WIF1: variants seen among roughly 807,000 people sequenced by gnomAD.
WIF1 encodes Wnt inhibitory factor 1.
In WIF1, 35 loss-of-function variants were observed where a neutral mutation model predicts 53.5. That is an observed-to-expected ratio of 0.65 (90% CI 0.50 to 0.87). The LOEUF is 0.87. Ranked by LOEUF, WIF1 falls within the 40% of genes least tolerant of loss-of-function variation. The pLI is 0.00. For synonymous variants in WIF1, 171 were observed against 170.4 expected, an observed-to-expected ratio of 1.00 and a Z score of -0.03; for missense variants, 467 against 476.8, an observed-to-expected ratio of 0.98 and a Z score of 0.19.
rs535991194 is a variant in WIF1, at chr12:65,063,693, A to T, written c.731-1117T>A. On this transcript the variant is annotated intron_variant, in intron 6 of 9. Coordinates refer to ENST00000286574, the MANE Select transcript of WIF1 (RefSeq NM_007191.5). ...GTGCTGTACTCACTTTGGCAAATCAAAACTCTTTTTTTTTTTTTTTTTGGT... is the reference window on the plus strand; with the variant it reads ...GTGCTGTACTCACTTTGGCAAATCATAACTCTTTTTTTTTTTTTTTTTGGT... Among the ~76,000 whole-genome samples the T allele has an allele frequency of 5.0e-3, 683 of 137,632 alleles. 6 individuals are homozygous for T. The highest frequency in any genetic ancestry group is 0.018 in the African/African-American group (661 of 37,704). The allele number at this position is 137,632 out of a possible 152,430, so 90.3% of individuals were successfully genotyped here.
At chr12:65,055,376 T>C (rs919022012) in intron 8 of WIF1, among the ~76,000 whole-genome samples, 163 bp from the exon 9 acceptor site, 2 of 152,228 alleles carry the variant, frequency 1.3e-5, no homozygotes, top group Admixed American at 1.3e-4. Context: ...TTTGGACTTT[T>C]TGTAAAGTCC....
intron 2 of WIF1, among the ~76,000 whole-genome samples, chr12:65,082,168 A>G (rs1296981748): frequency 2.0e-5 from 3 of 152,158 alleles, no homozygotes; most frequent in Non-Finnish European, 4.4e-5. Flanking sequence ...TTTATAATAA[A>G]TATTCTTAGA....
chr12:65,059,526 A>T (rs1882579159), intron 7 of WIF1, among the ~76,000 whole-genome samples: 1 of 152,220 alleles, frequency 6.6e-6, no homozygotes, highest in African/African-American at 2.4e-5. Flanking sequence ...TGGGAAATCC[A>T]TGAGTCTTAG....
intron 2 of WIF1, among the ~76,000 whole-genome samples, chr12:65,102,829 T>C (rs1883301829): frequency 6.6e-6 from 1 of 152,160 alleles, no homozygotes; most frequent in African/African-American, 2.4e-5. Context: ...ATCACATCTC[T>C]TAGCTTGCAG....
intron 2 of WIF1, among the ~76,000 whole-genome samples, chr12:65,091,010 G>A (rs1883114059): frequency 6.6e-6 from 1 of 151,914 alleles, no homozygotes; most frequent in African/African-American, 2.4e-5. Context: ...TGAAAGCAGG[G>A]GCTGTGAAAA....
intron 2 of WIF1, among the ~76,000 whole-genome samples, chr12:65,078,722 C>G (rs1565753440): frequency 6.6e-6 from 1 of 152,134 alleles, no homozygotes; most frequent in Non-Finnish European, 1.5e-5. Context: ...AAGCCATAAA[C>G]CTTTACATTG....
intron 2 of WIF1, among the ~76,000 whole-genome samples, chr12:65,101,774 A>G (rs537601413): frequency 1.3e-4 from 20 of 152,342 alleles, no homozygotes; most frequent in Middle Eastern, 3.4e-3. Context: ...GGGCTCAGAT[A>G]GCTGGTGTGG....
In WIF1 at chr12:65,077,760, G is replaced by T; in HGVS notation, c.383C>A (p.Pro128His). 1 of 1,613,386 alleles carries T rather than the reference G, an allele frequency of 6.2e-7. No homozygotes were observed. Among genetic ancestry groups the T allele is most frequent in the Non-Finnish European group, 8.5e-7 (1 of 1,179,506 alleles). ...TVNVPLLGTVPHKASVVQVGF... is the reference protein window; with the variant it reads ...TVNVPLLGTVHHKASVVQVGF... ...AGACCACCCACCTGATGCCTTGTGA[G>T]GCACTGTTCCCAGCAGAGGGACATT... The change falls in exon 3 of 10, where the codon CCT becomes CAT. Residue 128 changes from proline to histidine, a missense_variant. Physicochemically the swap from Pro to His is moderately conservative, Grantham distance 77. Transcript: ENST00000286574.
chr12:65,108,480 T>C (rs961909509), intron 2 of WIF1, among the ~76,000 whole-genome samples: 7 of 152,216 alleles, frequency 4.6e-5, no homozygotes, highest in Admixed American at 2.0e-4. Flanking sequence ...TGGATCCCCA[T>C]GTGTTTGCAG....
chr12:65,055,165 T>C lies in WIF1; in HGVS notation c.971A>G (p.Asn324Ser). 6.2e-7 allele frequency: 1 copy of C among 1,614,222 alleles called. No individual in the cohort carries two copies. Among genetic ancestry groups the C allele is most frequent in the Non-Finnish European group, 8.5e-7 (1 of 1,180,018 alleles). The change falls in exon 9 of 10, where the codon AAC (asparagine) becomes AGC (serine). Residue 324 changes from asparagine to serine, a missense_variant. By Grantham distance (46) the Asn-to-Ser change is conservative (BLOSUM62 1). Transcript: ENST00000286574. ...CGAHGTCHEP[N>S]KCQCQEGWHG... ...CCAACCTTCTTGACATTGGCATTTG[T>C]TGGGTTCATGGCAGGTTCCATGTGC... is the stretch of plus-strand genomic sequence containing the variant.
intron 2 of WIF1, 125 bp from the exon 3 acceptor site, chr12:65,077,979 A>C: frequency 1.4e-6 from 1 of 704,676 alleles, no homozygotes; most frequent in Non-Finnish European, 2.5e-6. Flanking sequence ...AGCACACAGC[A>C]TCCAAGATAC....
At chr12:65,084,159 T>G (rs1271557288) in intron 2 of WIF1, among the ~76,000 whole-genome samples, 1 of 152,204 alleles carries the variant, frequency 6.6e-6, no homozygotes, top group Admixed American at 6.5e-5. Context: ...CTTATGATTC[T>G]GTACCTTCCT....
At chr12:65,102,487 C>T (rs1376204525) in intron 2 of WIF1, among the ~76,000 whole-genome samples, 1 of 152,156 alleles carries the variant, frequency 6.6e-6, no homozygotes, top group Non-Finnish European at 1.5e-5. Flanking sequence ...GAGACCCACC[C>T]ACATTAGGGA....
chr12:65,077,347 T>G (rs908130104), intron 3 of WIF1, among the ~76,000 whole-genome samples: 1 of 133,452 alleles, frequency 7.5e-6, no homozygotes, highest in African/African-American at 2.8e-5. Flanking sequence ...TGCTAACTTT[T>G]GGGGAATTTT....
At chr12:65,104,450 T>G (rs1246003988) in intron 2 of WIF1, among the ~76,000 whole-genome samples, 1 of 152,194 alleles carries the variant, frequency 6.6e-6, no homozygotes, top group African/African-American at 2.4e-5. Flanking sequence ...AAATTGCAAT[T>G]CATCATGGAT....
chr12:65,113,918 T>C (rs1883470748), intron 2 of WIF1, among the ~76,000 whole-genome samples: 1 of 152,194 alleles, frequency 6.6e-6, no homozygotes, highest in Non-Finnish European at 1.5e-5. Context: ...ATTTCCTCCA[T>C]TTGGTGACAT....
At chr12:65,053,613 G>A (rs1882477653) in intron 9 of WIF1, among the ~76,000 whole-genome samples, 1 of 152,142 alleles carries the variant, frequency 6.6e-6, no homozygotes, top group Non-Finnish European at 1.5e-5. Flanking sequence ...ATGGAAGGGT[G>A]AGTCAAACCT....
chr12:65,120,058 C>T (rs893849119), intron 2 of WIF1, among the ~76,000 whole-genome samples: 2 of 152,160 alleles, frequency 1.3e-5, no homozygotes, highest in Non-Finnish European at 2.9e-5. Flanking sequence ...AAGAATGTCA[C>T]AAGTGATTAG....
chr12:65,064,588 A>ATTT, intron 6 of WIF1, among the ~76,000 whole-genome samples: 1 of 148,504 alleles, frequency 6.7e-6, no homozygotes, highest in South Asian at 2.1e-4. Context: ...TGAGGTAGAA[A>ATTT]TTTTTTTTTT....
Sources: gnomAD v4.1 joint callset for allele counts (sites outside exome capture counted in the v4.1 genomes callset) on GRCh38, gnomAD v4.1.1 for gene constraint, MANE v1.5 for transcripts, NCBI Gene and HGNC (gene_info 2026-07-23, HGNC 2026-07-21) for gene names.